UFD1: variants seen among roughly 807,000 people sequenced by gnomAD.
The protein encoded by UFD1 is ubiquitin recognition factor in ER-associated degradation protein 1.
Under a neutral mutation model 45.9 loss-of-function variants are expected in UFD1, and 13 were observed. That is an observed-to-expected ratio of 0.28 (90% CI 0.18 to 0.45). The LOEUF (loss-of-function observed/expected upper bound fraction) is 0.45. UFD1 is among the 20% of genes least tolerant of loss of function. UFD1 has a pLI of 1.00. For missense variants in UFD1, 218 were observed against 389.2 expected, an observed-to-expected ratio of 0.56 and a Z score of 3.70; for synonymous variants, 128 against 139.2, an observed-to-expected ratio of 0.92 and a Z score of 0.56.
rs746722686 is a variant in UFD1 at position 19,467,935 on chromosome 22, G to A, written c.360C>T (p.Ala120=). Residue 120 remains alanine, a synonymous_variant, in exon 5 of 12, where the codon GCC becomes GCT. Coordinates refer to ENST00000263202, the MANE Select transcript of UFD1 (RefSeq NM_005659.7). The part of the protein sequence containing the change: ...VQVESVNLQV[A]TYSKFQPQSP... The stretch of plus-strand genomic sequence containing the variant: ...TCTGAGGTTGGAATTTGGAGTAGGT[G>A]GCCACTTGAAGGTTGACGCTCTCCA... The A allele has an allele frequency of 1.2e-6, 2 of 1,614,168 alleles. No homozygotes were observed. The highest frequency in any genetic ancestry group is 8.5e-7 in the Non-Finnish European group (1 of 1,180,028).
In UFD1 at chr22:19,451,641, C is replaced by T. The variant is rs183820344; in HGVS notation, c.850-897G>A. ...TCAACACACATCCCTGCACCTGGCTCCCCACTAACTGTAGCATGTTATACC... is the reference window on the plus strand; with the variant it reads ...TCAACACACATCCCTGCACCTGGCTTCCCACTAACTGTAGCATGTTATACC... On this transcript the variant is annotated intron_variant, in intron 11 of 11. Transcript: ENST00000263202. The T allele has an allele frequency of 7.4e-5, 73 of 985,438 alleles. 1 individual carries two copies. Among genetic ancestry groups the T allele is most frequent in the Non-Finnish European group, 1.1e-5 (9 of 829,944 alleles). The allele number at this position is 985,438 out of a possible 1,614,324, so 61.0% of individuals were successfully genotyped here. A position where few individuals can be genotyped will look rare whatever the true frequency, so the allele number is the denominator to read the frequency against.
intron 4 of UFD1, among the ~76,000 whole-genome samples, chr22:19,470,453 T>C (rs553859255): frequency 6.6e-6 from 1 of 151,872 alleles, no homozygotes; most frequent in African/African-American, 2.4e-5. Flanking sequence ...TGTTGTTTTT[T>C]TTTTTTGAGA....
intron 3 of UFD1, among the ~76,000 whole-genome samples, chr22:19,474,196 G>A (rs1260807867): frequency 6.6e-6 from 1 of 152,190 alleles, no homozygotes; most frequent in Non-Finnish European, 1.5e-5. Context: ...CTGGATGGAA[G>A]ACAATAGCTC....
At chr22:19,476,568 C>T (rs1430914122) in intron 1 of UFD1, among the ~76,000 whole-genome samples, 6 of 137,838 alleles carry the variant, frequency 4.4e-5, no homozygotes, top group Non-Finnish European at 7.9e-5. Flanking sequence ...TACAGTATTC[C>T]TCCCACCCCC....
intron 1 of UFD1, chr22:19,478,809 G>A (rs1450657080): frequency 7.9e-6 from 4 of 509,164 alleles, no homozygotes; most frequent in African/African-American, 6.2e-5. Context: ...TGGGAAACCC[G>A]TGAATGGACA....
intron 4 of UFD1, chr22:19,470,893 T>C: frequency 2.2e-6 from 1 of 450,928 alleles, no homozygotes; most frequent in Non-Finnish European, 4.4e-6. Context: ...CTCCTGAGAG[T>C]TTCCAGCCCA....
chr22:19,471,484 C>G, intron 4 of UFD1: 1 of 814,242 alleles, frequency 1.2e-6, no homozygotes, highest in Non-Finnish European at 2.1e-6. Context: ...CACAGTGGCC[C>G]ACAGGTGCGT....
chr22:19,456,663 C>G (rs752226412), intron 8 of UFD1, 29 bp from the exon 9 acceptor site: 2 of 1,614,192 alleles, frequency 1.2e-6, no homozygotes, highest in East Asian at 4.5e-5. Flanking sequence ...AACAGGTGAG[C>G]TCCTCAGCGG....
intron 11 of UFD1, chr22:19,451,149 A>G (rs2089679548): frequency 2.1e-6 from 2 of 968,664 alleles, no homozygotes; most frequent in Non-Finnish European, 2.5e-6. Context: ...AAAAGTCTGT[A>G]AGTTCATCAC....
chr22:19,460,008 A>G (rs2089754492), intron 6 of UFD1, among the ~76,000 whole-genome samples: 1 of 151,988 alleles, frequency 6.6e-6, no homozygotes, highest in Non-Finnish European at 1.5e-5. Context: ...AAGTGCTGGG[A>G]TTACAGGCAT....
rs1288570637 is a variant in UFD1 at position 19,479,142 on chromosome 22, GC to G, written c.-58del. 4.4e-6 allele frequency: 7 copies of G among 1,598,540 alleles called. No homozygotes were observed. The highest frequency in any genetic ancestry group is 6.0e-6 in the Non-Finnish European group (7 of 1,173,730). ...TCAGGCAATGCAACGAAGAAACCCCGCCGACCGCTCTCCCAGCCGCCGCTGC... is the reference window on the plus strand; with the variant it reads ...TCAGGCAATGCAACGAAGAAACCCCGCGACCGCTCTCCCAGCCGCCGCTGC... On this transcript the variant is annotated 5_prime_UTR_variant, in exon 1 of 12. Transcript: ENST00000263202.
chr22:19,472,034 TAA>T (rs2089850188), intron 3 of UFD1, among the ~76,000 whole-genome samples: 1 of 152,228 alleles, frequency 6.6e-6, no homozygotes. Context: ...GTCAACATTT[TAA>T]AAAGTGATGT....
chr22:19,463,151 C>T (rs533452804), intron 6 of UFD1, among the ~76,000 whole-genome samples: 81 of 152,308 alleles, frequency 5.3e-4, no homozygotes, highest in Middle Eastern at 3.4e-3. Flanking sequence ...ATTTCAGTTA[C>T]CATCTCTTCA....
Position 19,450,424 on chromosome 22 carries a change from G to T in UFD1, c.*246C>A. 1 of 481,080 alleles carries T rather than the reference G, an allele frequency of 2.1e-6. No homozygotes were observed. The highest frequency in any genetic ancestry group is 2.7e-5 in the South Asian group (1 of 37,456). The allele number at this position is 481,080 out of a possible 1,614,324, so 29.8% of individuals were successfully genotyped here. A position where few individuals can be genotyped will look rare whatever the true frequency, so the allele number is the denominator to read the frequency against. ...CCCCTCAAGCTGAAAGCGTGAAGAG[G>T]TGAGGAGGCAGCTATCTACAGGCCC... On this transcript the variant is annotated 3_prime_UTR_variant, in exon 12 of 12. Coordinates refer to ENST00000263202, the MANE Select transcript of UFD1 (RefSeq NM_005659.7).
intron 7 of UFD1, among the ~76,000 whole-genome samples, chr22:19,457,578 C>G (rs113396478): frequency 0.047 from 7,110 of 152,110 alleles, 220 homozygotes; most frequent in Middle Eastern, 0.15. Flanking sequence ...TTTGGGAGGC[C>G]GAGGCGGGTG....
At position 19,465,544 on chromosome 22, in the gene UFD1, C is replaced by T. The variant is rs1343102917; in HGVS notation, c.423-270G>A. On this transcript the variant is annotated intron_variant, in intron 5 of 11. Coordinates refer to ENST00000263202, the MANE Select transcript of UFD1 (RefSeq NM_005659.7). ...CCACAAAAGGGCAGTGAGATTCCAT[C>T]CACATGGAACCCTGAGAAAGACAGA... 9 of 421,968 alleles carry T rather than the reference C, an allele frequency of 2.1e-5. No homozygotes were observed. The East Asian group carries it at 3.8e-4, about 18-fold the overall frequency. The allele number at this position is 421,968 out of a possible 1,614,324, so 26.1% of individuals were successfully genotyped here. A position where few individuals can be genotyped will look rare whatever the true frequency, so the allele number is the denominator to read the frequency against.
At chr22:19,452,221 T>C (rs1050840434) in intron 11 of UFD1, 2 of 152,580 alleles carry the variant, frequency 1.3e-5, no homozygotes, top group African/African-American at 4.8e-5. Context: ...ACCCTTTTCC[T>C]TGGCTTGCAG....
At chr22:19,451,488 C>T (rs535096018) in intron 11 of UFD1, 1 of 985,370 alleles carries the variant, frequency 1.0e-6, no homozygotes, top group African/African-American at 1.7e-5. Context: ...CTTCCATCAG[C>T]AGAAAGAGGG....
At chr22:19,477,910 T>C (rs1367904451) in intron 1 of UFD1, among the ~76,000 whole-genome samples, 1 of 152,118 alleles carries the variant, frequency 6.6e-6, no homozygotes, top group South Asian at 2.1e-4. Flanking sequence ...TTCCAATCTT[T>C]TGTCTTTCTT....
Sources: allele counts gnomAD v4.1 joint callset (sites outside exome capture counted in the v4.1 genomes callset), GRCh38; gene constraint gnomAD v4.1.1; transcripts MANE v1.5; gene names NCBI Gene and HGNC (gene_info 2026-07-23, HGNC 2026-07-21).